PLCB4: variants seen among roughly 807,000 people sequenced by gnomAD.
PLCB4 encodes phospholipase C beta 4.
In PLCB4, 77 loss-of-function variants were observed where a neutral mutation model predicts 178.8. That is an observed-to-expected ratio of 0.43 (90% CI 0.36 to 0.52). PLCB4 has a LOEUF of 0.52. Ranked by LOEUF, PLCB4 falls within the 20% of genes least tolerant of loss-of-function variation. PLCB4 has a pLI of 0.00. For synonymous variants in PLCB4, 496 were observed against 490.8 expected, an observed-to-expected ratio of 1.01 and a Z score of -0.14; for missense variants, 1,024 against 1,453.4, an observed-to-expected ratio of 0.70 and a Z score of 4.80.
chr20:9,146,286 A>G (rs938882465), intron 2 of PLCB4, among the ~76,000 whole-genome samples: 1 of 152,096 alleles, frequency 6.6e-6, no homozygotes, highest in Non-Finnish European at 1.5e-5. Flanking sequence ...TGCATGATTC[A>G]GGTTCACCTC....
In PLCB4 at chr20:9,405,250, G is replaced by A. The variant is rs958436571; in HGVS notation, c.1612-63G>A. On this transcript the variant is annotated intron_variant, in intron 20 of 39. Coordinates refer to ENST00000378473, the MANE Select transcript of PLCB4 (RefSeq NM_001377142.1). ...TTATTTAAATATCTATGTATGTATG[G>A]CTAATAAATTTGGAATTTTGCCCTT... 1.9e-5 allele frequency: 15 copies of A among 793,328 alleles called. No homozygotes were observed. In the African/African-American group the frequency reaches 2.1e-4, roughly 11 times the overall value. 49.1% of individuals were successfully genotyped at this position (793,328 alleles called of 1,614,324 possible). A position where few individuals can be genotyped will look rare whatever the true frequency, so the allele number is the denominator to read the frequency against.
intron 2 of PLCB4, among the ~76,000 whole-genome samples, chr20:9,152,401 A>T (rs2092706737): frequency 6.6e-6 from 1 of 152,140 alleles, no homozygotes; most frequent in African/African-American, 2.4e-5. Flanking sequence ...TGTGTGGTGT[A>T]CAGCCTAGGG....
chr20:9,165,562 G>T (rs189593211), intron 2 of PLCB4, among the ~76,000 whole-genome samples: 46 of 152,178 alleles, frequency 3.0e-4, no homozygotes, highest in Non-Finnish European at 1.5e-4. Context: ...AACTAAATGT[G>T]GGAGGCACAG....
chr20:9,089,783 T>G (rs1429346037), intron 1 of PLCB4, among the ~76,000 whole-genome samples: 1 of 152,172 alleles, frequency 6.6e-6, no homozygotes, highest in East Asian at 1.9e-4. Context: ...TAAAGTTAGC[T>G]GGTGAATAAG....
chr20:9,147,790 T>A (rs977409609), intron 2 of PLCB4, among the ~76,000 whole-genome samples: 5 of 152,124 alleles, frequency 3.3e-5, no homozygotes, highest in Admixed American at 2.6e-4. Context: ...CCAAAGGAAG[T>A]CACACAGCCA....
intron 7 of PLCB4, among the ~76,000 whole-genome samples, chr20:9,356,067 A>G (rs1358054398): frequency 1.3e-5 from 2 of 152,088 alleles, no homozygotes; most frequent in Non-Finnish European, 2.9e-5. Flanking sequence ...ACATTTTTTC[A>G]TGTGTCTTTT....
At chr20:9,200,009 T>C (rs1325843119) in intron 2 of PLCB4, among the ~76,000 whole-genome samples, 3 of 144,740 alleles carry the variant, frequency 2.1e-5, no homozygotes, top group Non-Finnish European at 3.0e-5. Context: ...AGAGAGAGAA[T>C]GGTATTCTGA....
At chr20:9,165,416 G>A (rs970403181) in intron 2 of PLCB4, among the ~76,000 whole-genome samples, 1 of 152,128 alleles carries the variant, frequency 6.6e-6, no homozygotes, top group African/African-American at 2.4e-5. Flanking sequence ...TACCAAGTGC[G>A]TTGAAAACTT....
intron 3 of PLCB4, among the ~76,000 whole-genome samples, chr20:9,231,544 T>C (rs1355875690): frequency 6.6e-6 from 1 of 152,116 alleles, no homozygotes; most frequent in Non-Finnish European, 1.5e-5. Flanking sequence ...TAAAACATGA[T>C]GTATATAGCA....
intron 30 of PLCB4, among the ~76,000 whole-genome samples, chr20:9,442,188 A>G (rs1488683248): frequency 6.6e-6 from 1 of 152,208 alleles, no homozygotes; most frequent in East Asian, 1.9e-4. Context: ...TTTATTTAAC[A>G]ATTAACTTAA....
chr20:9,404,694 A>G (rs2039305218), intron 20 of PLCB4, among the ~76,000 whole-genome samples: 1 of 152,038 alleles, frequency 6.6e-6, no homozygotes, highest in African/African-American at 2.4e-5. Context: ...CAAAAATACC[A>G]TTGGCTTAAA....
At chr20:9,190,449 G>T (rs1229340991) in intron 2 of PLCB4, among the ~76,000 whole-genome samples, 2 of 152,144 alleles carry the variant, frequency 1.3e-5, no homozygotes, top group Non-Finnish European at 2.9e-5. Context: ...TGCCATGATT[G>T]TAAATTTCCT....
chr20:9,460,950 G>A (rs77129150), intron 35 of PLCB4, among the ~76,000 whole-genome samples: 2,993 of 152,142 alleles, frequency 0.02, 96 homozygotes, highest in African/African-American at 0.067. Context: ...ATTCTATTTC[G>A]TCCTATAGGA....
intron 3 of PLCB4, among the ~76,000 whole-genome samples, chr20:9,278,742 A>C (rs936953384): frequency 6.6e-6 from 1 of 152,018 alleles, no homozygotes. Flanking sequence ...GGGTCCTCGA[A>C]AGTAGCAATC....
At chr20:9,121,296 T>G (rs1473247648) in intron 2 of PLCB4, among the ~76,000 whole-genome samples, 1 of 152,174 alleles carries the variant, frequency 6.6e-6, no homozygotes, top group Non-Finnish European at 1.5e-5. Context: ...CTAGTTTTTT[T>G]GTTTAGTAAC....
intron 2 of PLCB4, among the ~76,000 whole-genome samples, chr20:9,174,303 A>AT (rs1054652337): frequency 7.3e-5 from 11 of 149,674 alleles, no homozygotes; most frequent in Non-Finnish European, 1.2e-4. Context: ...TGCCTAGCTA[A>AT]TTTTTTTTTT....
At chr20:9,371,823 T>C (rs145190346) in intron 10 of PLCB4, among the ~76,000 whole-genome samples, 1 of 152,348 alleles carries the variant, frequency 6.6e-6, no homozygotes, top group East Asian at 1.9e-4. Context: ...TGAAGCCTGG[T>C]ACTATTTTAA....
At chr20:9,357,256 G>A (rs1232983254) in intron 7 of PLCB4, among the ~76,000 whole-genome samples, 3 of 152,162 alleles carry the variant, frequency 2.0e-5, no homozygotes, top group Non-Finnish European at 2.9e-5. Context: ...CAGATATAGG[G>A]AAGATGAAAG....
At chr20:9,202,521 G>A (rs1422046151) in intron 2 of PLCB4, among the ~76,000 whole-genome samples, 2 of 152,116 alleles carry the variant, frequency 1.3e-5, no homozygotes, top group African/African-American at 4.8e-5. Context: ...GTGGTTTCCT[G>A]GTGTGGCTTT....
Sources: gnomAD v4.1 joint callset for allele counts (sites outside exome capture counted in the v4.1 genomes callset) on GRCh38, gnomAD v4.1.1 for gene constraint, MANE v1.5 for transcripts, NCBI Gene and HGNC (gene_info 2026-07-23, HGNC 2026-07-21) for gene names.